STK10: variants seen among roughly 807,000 people sequenced by gnomAD.
The protein encoded by STK10 is serine/threonine-protein kinase 10.
In STK10, 78 loss-of-function variants were observed where a neutral mutation model predicts 113.8. That is an observed-to-expected ratio of 0.69 (90% CI 0.57 to 0.83). STK10 has a LOEUF of 0.83. STK10 is among the 40% of genes least tolerant of loss of function. The pLI, the probability that STK10 is intolerant of heterozygous loss-of-function variation, is 0.00. For synonymous variants in STK10, 465 were observed against 494.7 expected (o/e 0.94, Z 0.80); for missense variants, 1,109 against 1,280.1 (o/e 0.87, Z 2.04).
At chr5:172,069,306 T>C (rs530707499) in intron 12 of STK10, among the ~76,000 whole-genome samples, 31 of 152,110 alleles carry the variant, frequency 2.0e-4, no homozygotes, top group African/African-American at 7.0e-4. Context: ...CCATGTTAAA[T>C]ATAAAGATTT....
At chr5:172,138,339 G>A (rs1769911166) in intron 2 of STK10, among the ~76,000 whole-genome samples, 1 of 152,076 alleles carries the variant, frequency 6.6e-6, no homozygotes, top group Non-Finnish European at 1.5e-5. Context: ...GGCCAGGCTG[G>A]TCTTGAATTC....
chr5:172,177,282 A>G (rs1272599970), intron 1 of STK10, among the ~76,000 whole-genome samples: 7 of 152,182 alleles, frequency 4.6e-5, no homozygotes, highest in Non-Finnish European at 1.0e-4. Flanking sequence ...CCCTCGTTAG[A>G]CACCAACTCT....
intron 18 of STK10, among the ~76,000 whole-genome samples, chr5:172,048,858 T>C (rs535586965): frequency 1.5e-4 from 22 of 151,582 alleles, no homozygotes; most frequent in Non-Finnish European, 2.7e-4. Flanking sequence ...TTACCTCCTA[T>C]CACCTCCCAC....
At chr5:172,095,201 A>G (rs145911212) in intron 8 of STK10, among the ~76,000 whole-genome samples, 8 of 152,320 alleles carry the variant, frequency 5.3e-5, no homozygotes, top group Admixed American at 1.3e-4. Flanking sequence ...TTTTAACCTC[A>G]GCTATGGCAG....
chr5:172,174,059 T>C (rs568540215), intron 1 of STK10, among the ~76,000 whole-genome samples: 18 of 152,172 alleles, frequency 1.2e-4, no homozygotes, highest in East Asian at 1.9e-4. Flanking sequence ...CTCCCGAGTG[T>C]AGCCACGTCA....
At chr5:172,131,835 A>G (rs890961085) in intron 2 of STK10, among the ~76,000 whole-genome samples, 16 of 152,238 alleles carry the variant, frequency 1.1e-4, no homozygotes, top group African/African-American at 3.4e-4. Flanking sequence ...CTTAATCCCC[A>G]ATGTAACAGT....
At chr5:172,153,855 C>G (rs145907410) in intron 2 of STK10, among the ~76,000 whole-genome samples, 42 of 152,370 alleles carry the variant, frequency 2.8e-4, no homozygotes, top group African/African-American at 1.0e-3. Flanking sequence ...TCTTCCTTCT[C>G]TTATCTCCCC....
chr5:172,130,532 A>C (rs75160454), intron 2 of STK10, among the ~76,000 whole-genome samples: 2 of 70,930 alleles, frequency 2.8e-5, no homozygotes, highest in African/African-American at 9.4e-5. Flanking sequence ...CTCTGTCTCC[A>C]AAAAAAAAAA....
chr5:172,069,977 G>A (rs1768141052), intron 12 of STK10, among the ~76,000 whole-genome samples: 1 of 152,274 alleles, frequency 6.6e-6, no homozygotes, highest in African/African-American at 2.4e-5. Context: ...GCCGGGCGTG[G>A]TGGCTCATGC....
intron 1 of STK10, among the ~76,000 whole-genome samples, chr5:172,186,516 G>A (rs1182171009): frequency 1.3e-5 from 2 of 152,044 alleles, no homozygotes; most frequent in African/African-American, 2.4e-5. Context: ...TAGCTACTCC[G>A]AAGGCTGAGG....
chr5:172,158,959 A>G (rs1735847861), intron 1 of STK10, among the ~76,000 whole-genome samples: 1 of 152,364 alleles, frequency 6.6e-6, no homozygotes, highest in Admixed American at 6.5e-5. Context: ...AGGTGTAGAC[A>G]GCAGTGATGG....
rs143399580 is a variant in STK10 at position 172,083,043 on chromosome 5, T to C, written c.1727A>G (p.Glu576Gly). ...LRELRLLQKE[E>G]HRNQTQLSNK... ...ACTCAGCTGGGTCTGGTTCCGATGC[T>C]CTTCTTTCTGGAGCAGCCGAAGCTC... The change falls in exon 11 of 19, where the codon GAG (glutamate) becomes GGG (glycine). Residue 576 changes from glutamate to glycine, a missense_variant. By Grantham distance (98) the Glu-to-Gly change is moderately conservative (BLOSUM62 -2). Transcript: ENST00000176763. The C allele has an allele frequency of 1.7e-5, 28 of 1,614,048 alleles. No individual in the cohort carries two copies. The African/African-American group carries it at 3.6e-4, about 21-fold the overall frequency.
At chr5:172,056,845 G>A (rs772756691) in intron 15 of STK10, among the ~76,000 whole-genome samples, 5 of 150,686 alleles carry the variant, frequency 3.3e-5, no homozygotes, top group Non-Finnish European at 7.4e-5. Context: ...CTGCACTCCA[G>A]CCTGAGTGAG....
rs528230767 is a variant in STK10, at chr5:172,064,227, A to G, written c.2082+493T>C. On this transcript the variant is annotated intron_variant, in intron 13 of 18. Coordinates refer to ENST00000176763, the MANE Select transcript of STK10 (RefSeq NM_005990.4). ...TCCAGAGACAGGAGATAAGAAATAT[A>G]CATACCATGCTTCTGGAGGTGACGA... is the stretch of plus-strand genomic sequence containing the variant. 639 of 160,110 alleles carry G rather than the reference A, an allele frequency of 4.0e-3. 4 individuals carry two copies. The highest frequency in any genetic ancestry group is 0.015 in the African/African-American group (606 of 41,722). 9.9% of individuals were successfully genotyped at this position (160,110 alleles called of 1,614,324 possible).
At chr5:172,142,553 G>T (rs1052958039) in intron 2 of STK10, among the ~76,000 whole-genome samples, 11 of 152,154 alleles carry the variant, frequency 7.2e-5, no homozygotes, top group African/African-American at 2.4e-4. Context: ...TCTGTGCCGG[G>T]CCGTATGCTA....
chr5:172,056,008 A>G (rs1350465119), intron 15 of STK10, among the ~76,000 whole-genome samples: 4 of 152,240 alleles, frequency 2.6e-5, no homozygotes, highest in Non-Finnish European at 5.9e-5. Flanking sequence ...ATGCCTTTTC[A>G]TCTAATCAAT....
chr5:172,131,190 C>T (rs1389838061), intron 2 of STK10, among the ~76,000 whole-genome samples: 1 of 152,092 alleles, frequency 6.6e-6, no homozygotes, highest in South Asian at 2.1e-4. Flanking sequence ...CCCGCCACCA[C>T]ATCCGGCTAA....
chr5:172,054,471 T>G, intron 17 of STK10, 98 bp downstream of exon 17: 1 of 1,522,812 alleles, frequency 6.6e-7, no homozygotes, highest in South Asian at 1.2e-5. Context: ...CTGATGAAGA[T>G]CCTTCCCTGC....
chr5:172,104,021 G>A (rs747759175), intron 7 of STK10, among the ~76,000 whole-genome samples: 11 of 152,210 alleles, frequency 7.2e-5, no homozygotes, highest in Admixed American at 2.0e-4. Flanking sequence ...TAACTAAGCT[G>A]CTACCCCAGA....
Sources: allele counts gnomAD v4.1 joint callset (sites outside exome capture counted in the v4.1 genomes callset), GRCh38; gene constraint gnomAD v4.1.1; transcripts MANE v1.5; gene names NCBI Gene and HGNC (gene_info 2026-07-23, HGNC 2026-07-21).